AFF1: variants seen among roughly 807,000 people sequenced by gnomAD.
AFF1 encodes ALF transcription elongation factor 1, also known as AF4/FMR2 family member 1.
Under a neutral mutation model 121.7 loss-of-function variants are expected in AFF1, and 48 were observed. That is an observed-to-expected ratio of 0.39 (90% CI 0.31 to 0.50). AFF1 has a LOEUF of 0.50. AFF1 is among the 20% of genes least tolerant of loss of function. The pLI, the probability that AFF1 is intolerant of heterozygous loss-of-function variation, is 0.76. For synonymous variants in AFF1, 613 were observed against 563.0 expected (o/e 1.09, Z -1.26); for missense variants, 1,523 against 1,511.7 (o/e 1.01, Z -0.12).
intron 2 of AFF1, among the ~76,000 whole-genome samples, chr4:87,018,034 A>G (rs1352371058): frequency 2.6e-5 from 4 of 152,308 alleles, no homozygotes; most frequent in East Asian, 3.9e-4. Context: ...GAGAGCCTCA[A>G]TGCATTGTGG....
intron 2 of AFF1, among the ~76,000 whole-genome samples, chr4:87,045,023 T>A (rs1280603193): frequency 6.6e-6 from 1 of 152,184 alleles, no homozygotes; most frequent in East Asian, 1.9e-4. Flanking sequence ...TCAGGTTTCT[T>A]TTCATGAGAA....
chr4:86,945,151 T>A (rs1044716460), intron 1 of AFF1, among the ~76,000 whole-genome samples: 1 of 152,170 alleles, frequency 6.6e-6, no homozygotes, highest in African/African-American at 2.4e-5. Context: ...TCTCAGTTAC[T>A]CTGGAAGGTA....
At chr4:87,085,635 A>G (rs1723648773) in intron 5 of AFF1, among the ~76,000 whole-genome samples, 4 of 152,028 alleles carry the variant, frequency 2.6e-5, no homozygotes, top group Admixed American at 2.6e-4. Context: ...GAAATTTTTG[A>G]CAGTAGTAGT....
In AFF1 at chr4:87,131,797, A is replaced by C; in HGVS notation, c.3106A>C (p.Ile1036Leu). Residue 1036 changes from isoleucine to leucine, a missense_variant, in exon 18 of 21, where the codon ATA (isoleucine) becomes CTA (leucine). Around this residue, in one of 5 missense-constraint regions of AFF1, gnomAD observed 241 missense variants for 265.2 expected, o/e 0.91. Coordinates refer to ENST00000395146, the MANE Select transcript of AFF1 (RefSeq NM_001166693.3). ...TACTTTTATATTTTCCTATAGATTC[A>C]TAATGTCATTAAAATCCTTCTCAGA... is the stretch of plus-strand genomic sequence containing the variant. ...YSETVDLIKF[I>L]MSLKSFSDAT... The C allele has an allele frequency of 6.3e-7, 1 of 1,596,066 alleles. No homozygotes were observed. Among genetic ancestry groups the C allele is most frequent in the South Asian group, 1.1e-5 (1 of 87,110 alleles).
At chr4:87,131,712 A>G in intron 17 of AFF1, 81 bp from the exon 18 acceptor site, 1 of 1,215,324 alleles carries the variant, frequency 8.2e-7, no homozygotes, top group South Asian at 1.4e-5. Context: ...AAAAGTCAAT[A>G]TAAAATGGAA....
rs560342180 is a variant in AFF1 at position 87,115,091 on chromosome 4, C to G, written c.2258C>G (p.Thr753Ser). The G allele has an allele frequency of 6.2e-7, 1 of 1,614,156 alleles. No individual in the cohort carries two copies. Among genetic ancestry groups the G allele is most frequent in the East Asian group, 2.2e-5 (1 of 44,868 alleles). The change falls in exon 12 of 21, where the codon ACC becomes AGC. Residue 753 changes from threonine to serine, a missense_variant. Thr to Ser is a moderately conservative substitution (Grantham distance 58, BLOSUM62 1). Transcript: ENST00000395146. ...AGACTCCCATTGCCTTTGAGAGACACCAAGCTGCTCTCACCGCTCAGGGAC... is the reference window on the plus strand; with the variant it reads ...AGACTCCCATTGCCTTTGAGAGACAGCAAGCTGCTCTCACCGCTCAGGGAC... Reference protein sequence around the residue: ...KDRLPLPLRDTKLLSPLRDTP... With the variant: ...KDRLPLPLRDSKLLSPLRDTP...
At chr4:87,012,606 C>G (rs368107860) in intron 2 of AFF1, among the ~76,000 whole-genome samples, 4 of 152,122 alleles carry the variant, frequency 2.6e-5, no homozygotes, top group African/African-American at 9.7e-5. Context: ...AGATGGTCCT[C>G]AATTCATTTT....
At chr4:86,973,714 C>CTT (rs1478712802) in intron 2 of AFF1, 14 of 152,040 alleles carry the variant, frequency 9.2e-5, no homozygotes, top group African/African-American at 2.9e-4. Context: ...CGTTTTCTTT[C>CTT]TTTTCTTTTC....
chr4:87,007,554 C>T (rs936722043), intron 2 of AFF1: 71 of 1,246,900 alleles, frequency 5.7e-5, no homozygotes, highest in South Asian at 4.7e-4. Flanking sequence ...TCATCATTCC[C>T]GAGGCTGTGG....
chr4:87,080,147 G>A (rs956631150), intron 4 of AFF1, among the ~76,000 whole-genome samples: 2 of 152,150 alleles, frequency 1.3e-5, no homozygotes, highest in Non-Finnish European at 2.9e-5. Flanking sequence ...AGATGTGTGA[G>A]ATGGCTCTAG....
chr4:87,089,956 T>C (rs563815829), intron 5 of AFF1, 28 bp from the exon 6 acceptor site: 12 of 1,571,890 alleles, frequency 7.6e-6, no homozygotes, highest in African/African-American at 1.3e-5. Context: ...TAATTTACTT[T>C]TTCTTCCCTT....
intron 4 of AFF1, among the ~76,000 whole-genome samples, chr4:87,073,542 A>G (rs1451800873): frequency 6.6e-6 from 1 of 151,886 alleles, no homozygotes; most frequent in Admixed American, 6.6e-5. Context: ...ATGCCAGGAG[A>G]CAGAAAACCA....
intron 2 of AFF1, among the ~76,000 whole-genome samples, chr4:87,037,118 C>T (rs1729647496): frequency 6.6e-6 from 1 of 152,170 alleles, no homozygotes; most frequent in Non-Finnish European, 1.5e-5. Context: ...AAATGATTAA[C>T]ACTCCAGTAT....
intron 2 of AFF1, among the ~76,000 whole-genome samples, chr4:86,986,176 G>A (rs1180295681): frequency 1.3e-5 from 2 of 152,014 alleles, no homozygotes; most frequent in East Asian, 1.9e-4. Flanking sequence ...GGGTTCAAGC[G>A]ATCTTGTGCC....
intron 2 of AFF1, among the ~76,000 whole-genome samples, chr4:86,978,187 T>TTTTTTTTTTTTTTTG (rs1723457467): frequency 9.5e-6 from 1 of 105,754 alleles, no homozygotes; most frequent in Non-Finnish European, 2.0e-5. Flanking sequence ...CTTTTTTTTT[T>TTTTTTTTTTTTTTTG]TTTTTTTTTT....
At chr4:87,122,429 C>G (rs184917887) in intron 12 of AFF1, among the ~76,000 whole-genome samples, 2,231 of 152,294 alleles carry the variant, frequency 0.015, 53 homozygotes, top group African/African-American at 0.051. Flanking sequence ...TTGTATGCTG[C>G]GCAGAGCCCT....
chr4:86,948,879 A>G (rs547465982), intron 2 of AFF1, among the ~76,000 whole-genome samples: 3 of 152,282 alleles, frequency 2.0e-5, no homozygotes. Context: ...ATTTGGGGAA[A>G]GCATACACAT....
At chr4:86,998,139 C>T (rs113898504) in intron 2 of AFF1, among the ~76,000 whole-genome samples, 6,484 of 129,506 alleles carry the variant, frequency 0.05, 490 homozygotes, top group African/African-American at 0.17. Flanking sequence ...AAGAAAACTG[C>T]GTGGACAGCT....
At chr4:86,972,763 C>G (rs543056861) in intron 2 of AFF1, among the ~76,000 whole-genome samples, 1 of 152,150 alleles carries the variant, frequency 6.6e-6, no homozygotes, top group Non-Finnish European at 1.5e-5. Flanking sequence ...TGGTCTCAAA[C>G]TCCTGGCCTC....
Sources: allele counts gnomAD v4.1 joint callset (sites outside exome capture counted in the v4.1 genomes callset), GRCh38; gene constraint gnomAD v4.1.1; regional missense constraint gnomAD v4.1.1; transcripts MANE v1.5; gene names NCBI Gene and HGNC (gene_info 2026-07-23, HGNC 2026-07-21).